Variants in KNTC1 observed in about 807,000 individuals in gnomAD.
The protein encoded by KNTC1 is kinetochore associated 1.
Under a neutral mutation model 314.4 loss-of-function variants are expected in KNTC1, and 253 were observed. The ratio of observed to expected loss-of-function variants is 0.80; its 90% confidence interval spans 0.73 to 0.89. KNTC1 has a LOEUF of 0.89. Among genes scored for constraint, KNTC1 ranks in the 40% least tolerant of loss-of-function variants. KNTC1 has a pLI of 0.00. For synonymous variants in KNTC1, 901 were observed against 901.4 expected (o/e 1.00, Z 0.01); for missense variants, 2,475 against 2,572.9 (o/e 0.96, Z 0.82).
rs1307918319 is a variant in KNTC1 at position 122,615,523 on chromosome 12, G to A, written c.6027G>A (p.Trp2009Ter). The change falls in exon 57 of 64, where the codon TGG becomes TGA. Residue 2009 changes from tryptophan (W) to a stop codon, truncating the protein, a stop_gained. Transcript: ENST00000333479. LOFTEE classifies it high-confidence loss of function. ...LKAISSIHSL[W>*]QVPYFSKAWQ... ...CCATCTCCAGTATCCATTCTTTATG[G>A]CAGGTATGTAGTTTTTTAAAATAAA... 3.9e-6 allele frequency: 6 copies of A among 1,523,754 alleles called. No individual in the cohort carries two copies. The African/African-American group carries it at 8.3e-5, about 21-fold the overall frequency. The allele number at this position is 1,523,754 out of a possible 1,614,324, so 94.4% of individuals were successfully genotyped here.
At chr12:122,573,376 C>A in intron 26 of KNTC1, 91 bp downstream of exon 26, 3 of 1,173,930 alleles carry the variant, frequency 2.6e-6, no homozygotes, top group East Asian at 2.3e-5. Flanking sequence ...ATGTCATATG[C>A]TTTCTCAGTA....
At chr12:122,555,672 A>ACTC (rs1963533728) in intron 16 of KNTC1, among the ~76,000 whole-genome samples, 1 of 152,074 alleles carries the variant, frequency 6.6e-6, no homozygotes, top group African/African-American at 2.4e-5. Context: ...ACACGATGAA[A>ACTC]CTCCGTCTCT....
chr12:122,621,832 G>T (rs1326745271), intron 60 of KNTC1, 49 bp from the exon 61 acceptor site: 8 of 1,242,314 alleles, frequency 6.4e-6, no homozygotes, highest in African/African-American at 1.5e-5. Flanking sequence ...CTTGCTGTTG[G>T]AATAAATAAT....
intron 45 of KNTC1, 109 bp from the exon 46 acceptor site, chr12:122,602,460 C>A: frequency 1.6e-6 from 1 of 642,208 alleles, no homozygotes. Flanking sequence ...TTTCTGAAAA[C>A]AAGATGGTCT....
chr12:122,579,942 T>A lies in KNTC1; in HGVS notation c.2879T>A (p.Val960Glu). ...AWRMSVAKTS[V>E]DILKILCDIQ... ...AGAATGTCTGTAGCGAAGACATCCG[T>A]GGACATTCTTAAGATACTATGTGAC... Residue 960 changes from valine to glutamate, a missense_variant, in exon 32 of 64, where the codon GTG becomes GAG. Val to Glu is a moderately radical substitution (Grantham distance 121). Coordinates refer to ENST00000333479, the MANE Select transcript of KNTC1 (RefSeq NM_014708.6). 2 of 1,611,110 alleles carry A rather than the reference T, an allele frequency of 1.2e-6. No individual in the cohort carries two copies. Among genetic ancestry groups the A allele is most frequent in the Non-Finnish European group, 1.7e-6 (2 of 1,177,442 alleles).
At chr12:122,539,099 T>C (rs1180797283) in intron 4 of KNTC1, among the ~76,000 whole-genome samples, 1 of 152,150 alleles carries the variant, frequency 6.6e-6, no homozygotes, top group Non-Finnish European at 1.5e-5. Context: ...TTTAACAACT[T>C]TGGGAGAAGT....
At chr12:122,612,144 C>T (rs962289944) in intron 53 of KNTC1, among the ~76,000 whole-genome samples, 1 of 151,736 alleles carries the variant, frequency 6.6e-6, no homozygotes, top group African/African-American at 2.4e-5. Context: ...TGGCTCACTG[C>T]AACCTCCGCC....
chr12:122,550,557 CCGTCGCT>C (rs1963127803), intron 13 of KNTC1, among the ~76,000 whole-genome samples: 1 of 151,992 alleles, frequency 6.6e-6, no homozygotes, highest in South Asian at 2.1e-4. Context: ...AGTTGTAGTA[CCGTCGCT>C]CAATCATAGC....
Position 122,613,642 on chromosome 12 carries a change from A to G in KNTC1, c.5758A>G (p.Ile1920Val), listed in dbSNP as rs1873426601. 5 of 1,609,534 alleles carry G rather than the reference A, an allele frequency of 3.1e-6. No homozygotes were observed. The highest frequency in any genetic ancestry group is 1.7e-4 in the Middle Eastern group (1 of 6,052). ...IEEVKSYLRC[I>V]TFLASFETLN... ...GTTTTCCAGATCTTATTTGAGATGT[A>G]TAACTTTTCTGGCATCATTTGAGAC... Residue 1920 changes from isoleucine to valine, a missense_variant, in exon 55 of 64, where the codon ATA (isoleucine) becomes GTA (valine). By Grantham distance (29) the Ile-to-Val change is conservative (BLOSUM62 3). Transcript: ENST00000333479.
In KNTC1 at chr12:122,620,397, A is replaced by G. The variant is rs920204350; in HGVS notation, c.6150-82A>G. 7 of 1,313,454 alleles carry G rather than the reference A, an allele frequency of 5.3e-6. No homozygotes were observed. The Admixed American group carries it at 6.6e-5, about 12-fold the overall frequency. 81.4% of individuals were successfully genotyped at this position (1,313,454 alleles called of 1,614,324 possible). A position where few individuals can be genotyped will look rare whatever the true frequency, so the allele number is the denominator to read the frequency against. ...AAAATTATTGAAAACTTGGACAGGC[A>G]GATGACTATGGAAAGCTAGAAAGGC... On this transcript the variant is annotated intron_variant, in intron 59 of 63. Transcript: ENST00000333479.
chr12:122,594,196 C>G, intron 42 of KNTC1, 80 bp from the exon 43 acceptor site: 4 of 775,780 alleles, frequency 5.2e-6, no homozygotes, highest in Non-Finnish European at 8.8e-6. Flanking sequence ...ACTAAGAAGG[C>G]AAGTCATGAT....
Position 122,530,095 on chromosome 12 carries a change from A to G in KNTC1, c.32A>G (p.Asp11Gly), listed in dbSNP as rs1961186782. The G allele has an allele frequency of 1.2e-6, 2 of 1,613,720 alleles. No individual in the cohort carries two copies. Among genetic ancestry groups the G allele is most frequent in the African/African-American group, 2.7e-5 (2 of 74,924 alleles). The change falls in exon 2 of 64, where the codon GAT (aspartate) becomes GGT (glycine). Residue 11 changes from aspartate (D) to glycine (G), a missense_variant. Asp to Gly is a moderately conservative substitution (Grantham distance 94, BLOSUM62 -1). Coordinates refer to ENST00000333479, the MANE Select transcript of KNTC1 (RefSeq NM_014708.6). ...AATGATATTGAGCTGCTAACAAATG[A>G]TGATACCGGAAGTGGGTACCTGAGT... MWNDIELLTN[D>G]DTGSGYLSVG...
At chr12:122,576,356 A>G (rs1565975780) in intron 29 of KNTC1, among the ~76,000 whole-genome samples, 1 of 151,994 alleles carries the variant, frequency 6.6e-6, no homozygotes, top group Non-Finnish European at 1.5e-5. Flanking sequence ...GGCGTGAGCT[A>G]CCGCTCCTGG....
intron 1 of KNTC1, among the ~76,000 whole-genome samples, chr12:122,528,712 C>T (rs1050991701): frequency 2.6e-5 from 4 of 152,190 alleles, no homozygotes; most frequent in African/African-American, 7.2e-5. Flanking sequence ...TTGCATGTAG[C>T]CTAGGAACAT....
chr12:122,528,049 C>T (rs1457008931), intron 1 of KNTC1, among the ~76,000 whole-genome samples: 1 of 152,244 alleles, frequency 6.6e-6, no homozygotes, highest in South Asian at 2.1e-4. Flanking sequence ...ACATAAACTT[C>T]ATAATGGCAA....
chr12:122,579,350 C>T lies in KNTC1; in HGVS notation c.2842-555C>T, dbSNP rs1007101710. On this transcript the variant is annotated intron_variant, in intron 31 of 63. Transcript: ENST00000333479. ...AAGTGCTGGGATTACAGGCGTGAGC[C>T]ACCGCGCCCGGCCCGTAGTCTGTAT... 9.9e-5 allele frequency among the ~76,000 whole-genome samples: 15 copies of T among 152,026 alleles called. No homozygotes were observed. The Middle Eastern group carries it at 0.014, about 139-fold the overall frequency.
At chr12:122,531,714 A>G (rs536817835) in intron 2 of KNTC1, among the ~76,000 whole-genome samples, 8 of 152,086 alleles carry the variant, frequency 5.3e-5, no homozygotes, top group African/African-American at 1.7e-4. Flanking sequence ...ATAATGAGGA[A>G]ATGACGTCTA....
chr12:122,584,824 A>G, intron 35 of KNTC1, 69 bp from the exon 36 acceptor site: 2 of 806,476 alleles, frequency 2.5e-6, no homozygotes, highest in Non-Finnish European at 4.0e-6. Flanking sequence ...GGTAATTATT[A>G]AAAGGTTGTT....
intron 16 of KNTC1, among the ~76,000 whole-genome samples, chr12:122,557,174 A>G (rs1262087072): frequency 6.6e-6 from 1 of 152,170 alleles, no homozygotes; most frequent in East Asian, 1.9e-4. Flanking sequence ...CACGTTTAGT[A>G]AGGACTCAAC....
Sources: gnomAD v4.1 joint callset for allele counts (sites outside exome capture counted in the v4.1 genomes callset) on GRCh38, gnomAD v4.1.1 for gene constraint, MANE v1.5 for transcripts, NCBI Gene and HGNC (gene_info 2026-07-23, HGNC 2026-07-21) for gene names.